The following ULK4 variants were observed in gnomAD, a reference collection of about 807,000 sequenced individuals.
ULK4 encodes unc-51 like kinase 4.
A neutral mutation model predicts 160.6 loss-of-function variants in ULK4; 133 were observed. The observed-to-expected ratio is 0.83, with a 90% CI of 0.72 to 0.96. The LOEUF is 0.96. Ranked by LOEUF, ULK4 falls within the 40% of genes least tolerant of loss-of-function variation. The pLI, the probability that ULK4 is intolerant of heterozygous loss-of-function variation, is 0.00. For missense variants in ULK4, 1,580 were observed against 1,499.5 expected (o/e 1.05, Z -0.89); for synonymous variants, 534 against 539.8 (o/e 0.99, Z 0.15).
intron 27 of ULK4, among the ~76,000 whole-genome samples, chr3:41,691,289 G>C (rs1440176371): frequency 3.3e-5 from 5 of 151,912 alleles, no homozygotes; most frequent in East Asian, 1.9e-4. Flanking sequence ...GAAGCATCAG[G>C]GGGAAAGAGA....
chr3:41,446,182 T>C (rs1441586350), intron 34 of ULK4, among the ~76,000 whole-genome samples: 1 of 152,064 alleles, frequency 6.6e-6, no homozygotes. Flanking sequence ...TGAGATACCA[T>C]CTCACACCAG....
intron 35 of ULK4, among the ~76,000 whole-genome samples, chr3:41,297,934 AC>A (rs1399655088): frequency 6.6e-6 from 1 of 152,196 alleles, no homozygotes; most frequent in Non-Finnish European, 1.5e-5. Context: ...CACTTTTAGC[AC>A]CTATAGGTCA....
intron 25 of ULK4, among the ~76,000 whole-genome samples, chr3:41,712,156 T>G (rs4616614): frequency 0.26 from 39,647 of 152,054 alleles, 6,550 homozygotes; most frequent in African/African-American, 0.47. Flanking sequence ...TATTTATGCC[T>G]CCATATATAA....
intron 17 of ULK4, among the ~76,000 whole-genome samples, chr3:41,840,620 C>G (rs576099375): frequency 6.6e-6 from 1 of 152,350 alleles, no homozygotes; most frequent in African/African-American, 2.4e-5. Context: ...GAGTGGTCTG[C>G]CCACCTCGGC....
intron 14 of ULK4, among the ~76,000 whole-genome samples, chr3:41,898,187 G>C (rs949927144): frequency 6.6e-6 from 1 of 152,166 alleles, no homozygotes; most frequent in African/African-American, 2.4e-5. Context: ...AACTTGCCCA[G>C]ATCTACAGGA....
chr3:41,704,345 G>T (rs1427943989), intron 27 of ULK4, among the ~76,000 whole-genome samples: 1 of 152,200 alleles, frequency 6.6e-6, no homozygotes, highest in East Asian at 1.9e-4. Flanking sequence ...AAGTTAAGGA[G>T]GGAAGGATGG....
chr3:41,379,434 A>C (rs2081597545), intron 35 of ULK4, among the ~76,000 whole-genome samples: 1 of 152,230 alleles, frequency 6.6e-6, no homozygotes, highest in African/African-American at 2.4e-5. Flanking sequence ...TGCCATGAGA[A>C]ATAATTCTCA....
At chr3:41,256,179 T>C (rs914068122) in intron 35 of ULK4, among the ~76,000 whole-genome samples, 3 of 152,230 alleles carry the variant, frequency 2.0e-5, no homozygotes, top group East Asian at 1.9e-4. Flanking sequence ...CTTTGTAATA[T>C]AGAATAGCTG....
intron 29 of ULK4, among the ~76,000 whole-genome samples, chr3:41,674,651 A>G (rs948353621): frequency 3.9e-5 from 6 of 152,214 alleles, no homozygotes; most frequent in Non-Finnish European, 7.3e-5. Context: ...CAAGAACCAC[A>G]AGATAAAGAC....
Position 41,900,750 on chromosome 3 carries a change from A to AC in ULK4, c.1261dup (p.Val421GlyfsTer17), listed in dbSNP as rs1244587938. 2 of 1,613,704 alleles carry AC rather than the reference A, an allele frequency of 1.2e-6. No individual in the cohort carries two copies. Among genetic ancestry groups the AC allele is most frequent in the Non-Finnish European group, 1.7e-6 (2 of 1,179,746 alleles). On this transcript the variant is annotated frameshift_variant, in exon 13 of 37. Coordinates refer to ENST00000301831, the MANE Select transcript of ULK4 (RefSeq NM_017886.4). LOFTEE classifies it high-confidence loss of function. Reference sequence around the variant, plus strand: ...CTTTGGATTGTCGATAATGGGGGTGACAACAAGATCTGAGTCCGTGTAGAT... The same window carrying AC: ...CTTTGGATTGTCGATAATGGGGGTGACCAACAAGATCTGAGTCCGTGTAGAT...
At chr3:41,675,890 T>TA (rs1392851731) in intron 29 of ULK4, among the ~76,000 whole-genome samples, 11 of 152,170 alleles carry the variant, frequency 7.2e-5, no homozygotes, top group African/African-American at 2.4e-4. Flanking sequence ...AAGAATGAAT[T>TA]CCTACTGTTT....
chr3:41,933,007 G>A (rs867527505), intron 4 of ULK4, among the ~76,000 whole-genome samples: 2 of 152,158 alleles, frequency 1.3e-5, no homozygotes, highest in Non-Finnish European at 1.5e-5. Flanking sequence ...TTGCGCCACC[G>A]CACTCCAGCC....
At chr3:41,614,026 T>C (rs1311560894) in intron 31 of ULK4, among the ~76,000 whole-genome samples, 1 of 152,222 alleles carries the variant, frequency 6.6e-6, no homozygotes, top group Non-Finnish European at 1.5e-5. Flanking sequence ...GTTTGTAAAA[T>C]ACAAAACACT....
At chr3:41,688,746 G>A (rs561580762) in intron 27 of ULK4, among the ~76,000 whole-genome samples, 1 of 152,304 alleles carries the variant, frequency 6.6e-6, no homozygotes, top group South Asian at 2.1e-4. Flanking sequence ...GGAATTTGCA[G>A]AGGTTTATTT....
At chr3:41,673,973 T>C (rs536601748) in intron 29 of ULK4, among the ~76,000 whole-genome samples, 228 of 152,234 alleles carry the variant, frequency 1.5e-3, no homozygotes, top group South Asian at 3.5e-3. Context: ...AACCATTGCA[T>C]CCCCAGTGCC....
Position 41,883,960 on chromosome 3 carries a change from T to G in ULK4, c.1578-8A>C. Reference sequence around the variant, plus strand: ...TGAGCAACCTTGGCCCGTCTGTAAATGGAGAGAAAACAGGCTCTGAAAAGA... The same window carrying G: ...TGAGCAACCTTGGCCCGTCTGTAAAGGGAGAGAAAACAGGCTCTGAAAAGA... On this transcript the variant is annotated splice_region_variant and splice_polypyrimidine_tract_variant and intron_variant, in intron 16 of 36. Coordinates refer to ENST00000301831, the MANE Select transcript of ULK4 (RefSeq NM_017886.4). 6.3e-7 allele frequency: 1 copy of G among 1,598,238 alleles called. No homozygotes were observed. Among genetic ancestry groups the G allele is most frequent in the Non-Finnish European group, 8.6e-7 (1 of 1,165,328 alleles).
At chr3:41,501,196 T>TA (rs2085191872) in intron 32 of ULK4, among the ~76,000 whole-genome samples, 1 of 76,824 alleles carries the variant, frequency 1.3e-5, no homozygotes. Flanking sequence ...AGTCAGTTTT[T>TA]AAAAAAGTAA....
chr3:41,315,301 T>C (rs182369398), intron 35 of ULK4, among the ~76,000 whole-genome samples: 98 of 152,306 alleles, frequency 6.4e-4, no homozygotes, highest in African/African-American at 2.2e-3. Flanking sequence ...GCTGTTTTCC[T>C]TGAAGTCACA....
At position 41,954,766 on chromosome 3, in the gene ULK4, G is replaced by A. The variant is rs1025315327; in HGVS notation, c.-7C>T. ...ACAGAATAAAGTTTTCCATCTCTGG[G>A]CCGACTTCTCACATACAATAGAATA... is the stretch of plus-strand genomic sequence containing the variant. On this transcript the variant is annotated 5_prime_UTR_variant, in exon 2 of 37. Transcript: ENST00000301831. 6.2e-7 allele frequency: 1 copy of A among 1,607,974 alleles called. No individual in the cohort carries two copies. The highest frequency in any genetic ancestry group is 8.5e-7 in the Non-Finnish European group (1 of 1,177,620).
Sources: gnomAD v4.1 joint callset for allele counts (sites outside exome capture counted in the v4.1 genomes callset) on GRCh38, gnomAD v4.1.1 for gene constraint, MANE v1.5 for transcripts, NCBI Gene and HGNC (gene_info 2026-07-23, HGNC 2026-07-21) for gene names.